The following EBF1 variants were observed in gnomAD, a reference collection of about 807,000 sequenced individuals.
The protein encoded by EBF1 is EBF transcription factor 1, also known as transcription factor COE1.
A neutral mutation model predicts 68.4 loss-of-function variants in EBF1; 10 were observed. That is an observed-to-expected ratio of 0.15 (90% CI 0.09 to 0.25). EBF1 has a LOEUF of 0.25. Ranked by LOEUF, EBF1 falls within the 10% of genes least tolerant of loss-of-function variation. The pLI is 1.00. For missense variants in EBF1, 509 were observed against 794.4 expected, an observed-to-expected ratio of 0.64 and a Z score of 4.32; for synonymous variants, 298 against 299.8, an observed-to-expected ratio of 0.99 and a Z score of 0.06.
At chr5:158,956,405 T>C (rs1817084296) in intron 6 of EBF1, among the ~76,000 whole-genome samples, 1 of 152,010 alleles carries the variant, frequency 6.6e-6, no homozygotes, top group South Asian at 2.1e-4. Flanking sequence ...TTTTCAAAAC[T>C]GGACTTTTAA....
chr5:158,959,662 T>C (rs557261824), intron 6 of EBF1, among the ~76,000 whole-genome samples: 44 of 152,130 alleles, frequency 2.9e-4, no homozygotes, highest in African/African-American at 9.6e-4. Context: ...AAAGAATATA[T>C]ATGTATGTAT....
chr5:159,078,689 T>G (rs905151795), intron 5 of EBF1, among the ~76,000 whole-genome samples: 9 of 152,178 alleles, frequency 5.9e-5, no homozygotes, highest in Non-Finnish European at 1.2e-4. Flanking sequence ...CCCAGTGACA[T>G]GAGAACAATG....
At chr5:158,757,695 A>C (rs1770440929) in intron 10 of EBF1, among the ~76,000 whole-genome samples, 1 of 152,162 alleles carries the variant, frequency 6.6e-6, no homozygotes. Context: ...GCAAATGCTG[A>C]ACACCTCTTT....
At chr5:158,969,885 A>AAAG (rs1561662496) in intron 6 of EBF1, among the ~76,000 whole-genome samples, 1 of 107,626 alleles carries the variant, frequency 9.3e-6, no homozygotes, top group Non-Finnish European at 2.1e-5. Flanking sequence ...AGAAAGAAAG[A>AAAG]AAGAAAGAAA....
At chr5:158,960,236 G>A (rs1057167467) in intron 6 of EBF1, among the ~76,000 whole-genome samples, 1 of 152,078 alleles carries the variant, frequency 6.6e-6, no homozygotes, top group Admixed American at 6.5e-5. Context: ...TAATAAATGA[G>A]GCATTCTAAA....
intron 6 of EBF1, among the ~76,000 whole-genome samples, chr5:158,953,512 G>C (rs1368729988): frequency 6.6e-6 from 1 of 152,136 alleles, no homozygotes; most frequent in Admixed American, 6.5e-5. Flanking sequence ...TCTCAGTAAG[G>C]CCAGTTTAAT....
chr5:158,860,117 T>C (rs1562142286), intron 6 of EBF1, among the ~76,000 whole-genome samples: 2 of 152,242 alleles, frequency 1.3e-5, no homozygotes. Context: ...CTACTAATGA[T>C]GCTATCAACA....
intron 6 of EBF1, among the ~76,000 whole-genome samples, chr5:159,003,962 A>G (rs1370873472): frequency 6.6e-6 from 1 of 152,184 alleles, no homozygotes; most frequent in African/African-American, 2.4e-5. Flanking sequence ...GGAAAATGGC[A>G]ATCATCATTT....
chr5:159,064,389 T>C (rs1310268674), intron 6 of EBF1, among the ~76,000 whole-genome samples: 9 of 152,140 alleles, frequency 5.9e-5, no homozygotes, highest in Admixed American at 5.2e-4. Context: ...GTCTGGGAGA[T>C]AGGAGATGTG....
chr5:159,071,366 G>GA (rs1584415812), intron 6 of EBF1, among the ~76,000 whole-genome samples: 1 of 151,630 alleles, frequency 6.6e-6, no homozygotes, highest in Admixed American at 6.6e-5. Flanking sequence ...AACCAAAAGG[G>GA]AAAAAAAATG....
intron 6 of EBF1, among the ~76,000 whole-genome samples, chr5:158,895,729 A>G (rs1369071128): frequency 1.3e-5 from 2 of 152,308 alleles, no homozygotes; most frequent in Non-Finnish European, 1.5e-5. Context: ...GGTAGCCTGA[A>G]CTACCTAACC....
At position 158,770,642 on chromosome 5, in the gene EBF1, G is replaced by A. The variant is rs1264457619; in HGVS notation, c.1036+6771C>T. Among the ~76,000 whole-genome samples the A allele has an allele frequency of 2.6e-5, 4 of 152,086 alleles. No individual in the cohort carries two copies. The South Asian group carries it at 6.2e-4, about 24-fold the overall frequency. Reference sequence around the variant, plus strand: ...AATTCTTACAGCCGTCCAAGGTACCGTGTTTCCTCCCACCCAGGGCCTTCT... The same window carrying A: ...AATTCTTACAGCCGTCCAAGGTACCATGTTTCCTCCCACCCAGGGCCTTCT... On this transcript the variant is annotated intron_variant, in intron 10 of 15. Coordinates refer to ENST00000313708, the MANE Select transcript of EBF1 (RefSeq NM_024007.5).
chr5:158,772,238 C>G (rs1475594883), intron 10 of EBF1, among the ~76,000 whole-genome samples: 1 of 152,156 alleles, frequency 6.6e-6, no homozygotes, highest in Non-Finnish European at 1.5e-5. Flanking sequence ...TCCACTTCTT[C>G]CCTAAAACCA....
At chr5:158,767,185 A>G (rs922620039) in intron 10 of EBF1, among the ~76,000 whole-genome samples, 7 of 152,308 alleles carry the variant, frequency 4.6e-5, no homozygotes, top group African/African-American at 1.4e-4. Flanking sequence ...TATGGTTTCT[A>G]TATTAGAAGT....
intron 4 of EBF1, among the ~76,000 whole-genome samples, chr5:159,093,954 C>T (rs1213508959): frequency 6.7e-6 from 1 of 148,750 alleles, no homozygotes; most frequent in Non-Finnish European, 1.5e-5. Context: ...AATAAATACA[C>T]ATAGAGTATG....
chr5:159,063,462 A>G (rs1303687442), intron 6 of EBF1, among the ~76,000 whole-genome samples: 3 of 152,166 alleles, frequency 2.0e-5, no homozygotes, highest in African/African-American at 4.8e-5. Context: ...TTTTTAAAAC[A>G]TATATATCAA....
chr5:158,699,039 G>T lies in EBF1; in HGVS notation c.*72C>A. On this transcript the variant is annotated 3_prime_UTR_variant, in exon 16 of 16. Transcript: ENST00000313708. ...GGCCTGAGTTAAAAGTTCCACTCTG[G>T]GACTTGTATCAGATTACTCTCTGTA... The T allele has an allele frequency of 1.4e-6, 2 of 1,416,810 alleles. No homozygotes were observed. The highest frequency in any genetic ancestry group is 2.3e-5 in the Admixed American group (1 of 43,168). The allele number at this position is 1,416,810 out of a possible 1,614,324, so 87.8% of individuals were successfully genotyped here.
At chr5:158,788,691 A>G (rs1777950700) in intron 9 of EBF1, among the ~76,000 whole-genome samples, 1 of 152,168 alleles carries the variant, frequency 6.6e-6, no homozygotes, top group Admixed American at 6.6e-5. Flanking sequence ...AAGTCACATG[A>G]CTGCAGCCAG....
intron 6 of EBF1, among the ~76,000 whole-genome samples, chr5:158,868,244 TAG>T (rs1390751626): frequency 5.3e-5 from 8 of 152,198 alleles, no homozygotes; most frequent in Admixed American, 4.6e-4. Flanking sequence ...CCAGAGTTTA[TAG>T]AGTTTAATTT....
Sources: gnomAD v4.1 joint callset for allele counts (sites outside exome capture counted in the v4.1 genomes callset) on GRCh38, gnomAD v4.1.1 for gene constraint, MANE v1.5 for transcripts, NCBI Gene and HGNC (gene_info 2026-07-23, HGNC 2026-07-21) for gene names.